NEGR1: variants seen among roughly 807,000 people sequenced by gnomAD.
NEGR1 encodes the protein IgLON family member 4.
A neutral mutation model predicts 40.9 loss-of-function variants in NEGR1; 10 were observed. The ratio of observed to expected loss-of-function variants is 0.24; its 90% CI spans 0.15 to 0.42. The LOEUF (loss-of-function observed/expected upper bound fraction) is 0.42, where lower values mean the gene tolerates loss of function less well. Ranked by LOEUF, NEGR1 falls within the 10% of genes least tolerant of loss-of-function variation. NEGR1 has a pLI of 1.00. For synonymous variants in NEGR1, 185 were observed against 166.8 expected, an observed-to-expected ratio of 1.11 and a Z score of -0.84; for missense variants, 352 against 438.9, an observed-to-expected ratio of 0.80 and a Z score of 1.77.
intron 4 of NEGR1, among the ~76,000 whole-genome samples, chr1:71,615,068 G>C (rs1650402197): frequency 6.6e-6 from 1 of 152,202 alleles, no homozygotes; most frequent in Non-Finnish European, 1.5e-5. Flanking sequence ...TCAATGTGGA[G>C]AGAAGATTCT....
At chr1:71,904,414 A>G (rs1031198938) in intron 2 of NEGR1, among the ~76,000 whole-genome samples, 4 of 152,076 alleles carry the variant, frequency 2.6e-5, no homozygotes, top group African/African-American at 9.7e-5. Context: ...ATACATCACT[A>G]TCATTCTTAA....
intron 6 of NEGR1, among the ~76,000 whole-genome samples, chr1:71,556,289 C>T (rs928383657): frequency 6.6e-6 from 1 of 151,462 alleles, no homozygotes; most frequent in Non-Finnish European, 1.5e-5. Flanking sequence ...AACTTTTCTG[C>T]CTTACATGTC....
intron 1 of NEGR1, among the ~76,000 whole-genome samples, chr1:72,154,589 A>G (rs113272185): frequency 7.2e-5 from 11 of 152,202 alleles, no homozygotes; most frequent in African/African-American, 2.6e-4. Flanking sequence ...AAACATTAAC[A>G]AAGTGTTAGA....
chr1:71,805,449 G>T (rs1026113712), intron 2 of NEGR1, among the ~76,000 whole-genome samples: 2 of 151,902 alleles, frequency 1.3e-5, no homozygotes, highest in African/African-American at 4.8e-5. Context: ...TCTCTCTTTT[G>T]TACTCTTTCC....
intron 6 of NEGR1, among the ~76,000 whole-genome samples, chr1:71,465,620 T>TA (rs1646740654): frequency 6.6e-6 from 1 of 152,070 alleles, no homozygotes; most frequent in Non-Finnish European, 1.5e-5. Context: ...CTTAGTATAA[T>TA]AGACCTTTTT....
At chr1:71,540,029 C>G (rs1232406286) in intron 6 of NEGR1, among the ~76,000 whole-genome samples, 1 of 151,726 alleles carries the variant, frequency 6.6e-6, no homozygotes, top group Non-Finnish European at 1.5e-5. Flanking sequence ...ATGTTTCTAT[C>G]TACTTCAGTA....
At chr1:71,923,783 C>T (rs751040122) in intron 2 of NEGR1, among the ~76,000 whole-genome samples, 79 of 152,194 alleles carry the variant, frequency 5.2e-4, no homozygotes, top group Non-Finnish European at 9.7e-4. Flanking sequence ...TTCTTCAGCA[C>T]ATCAATCTGG....
intron 5 of NEGR1, among the ~76,000 whole-genome samples, chr1:71,603,036 CAACAT>C (rs1467105249): frequency 6.6e-6 from 1 of 152,110 alleles, no homozygotes; most frequent in Non-Finnish European, 1.5e-5. Flanking sequence ...AAATAATAAA[CAACAT>C]AACACGACAT....
At chr1:71,610,120 C>T (rs1650206243) in intron 5 of NEGR1, among the ~76,000 whole-genome samples, 1 of 152,156 alleles carries the variant, frequency 6.6e-6, no homozygotes, top group Admixed American at 6.5e-5. Flanking sequence ...CAGTCTTGGG[C>T]AGTTTTTTAT....
intron 1 of NEGR1, among the ~76,000 whole-genome samples, chr1:71,968,964 G>A (rs1399238772): frequency 6.6e-6 from 1 of 152,082 alleles, no homozygotes; most frequent in Non-Finnish European, 1.5e-5. Flanking sequence ...AATAAGAGCT[G>A]CCATGCTGTG....
At chr1:72,232,956 T>C (rs1010574798) in intron 1 of NEGR1, among the ~76,000 whole-genome samples, 20 of 152,096 alleles carry the variant, frequency 1.3e-4, no homozygotes, top group African/African-American at 4.8e-4. Context: ...TCTTGAAAAA[T>C]AGCCAACTGG....
chr1:71,586,023 A>T (rs1232961797), intron 6 of NEGR1, among the ~76,000 whole-genome samples: 5 of 152,126 alleles, frequency 3.3e-5, no homozygotes, highest in African/African-American at 1.2e-4. Flanking sequence ...AATCTTCACA[A>T]TAATCCTATA....
chr1:71,546,198 C>T (rs1164630802), intron 6 of NEGR1, among the ~76,000 whole-genome samples: 1 of 151,692 alleles, frequency 6.6e-6, no homozygotes, highest in Non-Finnish European at 1.5e-5. Flanking sequence ...AATCTACATA[C>T]ATAAGGAATG....
intron 2 of NEGR1, among the ~76,000 whole-genome samples, chr1:71,843,122 T>C (rs998956820): frequency 1.3e-5 from 2 of 152,168 alleles, no homozygotes; most frequent in Non-Finnish European, 2.9e-5. Flanking sequence ...AATGTCGTTA[T>C]AGTGCCCATT....
chr1:71,841,845 T>C (rs1659253111), intron 2 of NEGR1, among the ~76,000 whole-genome samples: 1 of 152,168 alleles, frequency 6.6e-6, no homozygotes, highest in Non-Finnish European at 1.5e-5. Flanking sequence ...GTGCTTTTTA[T>C]ATTGTCAACT....
intron 6 of NEGR1, 31 bp downstream of exon 6, chr1:71,592,786 G>C (rs1649545936): frequency 6.3e-7 from 1 of 1,584,510 alleles, no homozygotes; most frequent in African/African-American, 1.3e-5. Context: ...AGAGGCCCCT[G>C]GAAGCATTTT....
At chr1:71,645,601 T>G (rs1651503321) in intron 4 of NEGR1, among the ~76,000 whole-genome samples, 1 of 151,836 alleles carries the variant, frequency 6.6e-6, no homozygotes, top group Admixed American at 6.6e-5. Flanking sequence ...CCTTAGGCCT[T>G]TTTATGTTTT....
chr1:72,141,527 C>T (rs1010099852), intron 1 of NEGR1, among the ~76,000 whole-genome samples: 5 of 151,906 alleles, frequency 3.3e-5, no homozygotes, highest in Non-Finnish European at 7.4e-5. Flanking sequence ...AAATACTATG[C>T]AATCAAATGG....
In NEGR1 at chr1:72,269,988, G is replaced by A. The variant is rs1359223003; in HGVS notation, c.176+12331C>T. Among the ~76,000 whole-genome samples the A allele has an allele frequency of 2.6e-5, 4 of 151,784 alleles. No homozygotes were observed. In the East Asian group the frequency reaches 5.8e-4, roughly 22 times the overall value. ...AAGGCAGTTGGTGCCGAGTAAATGCGTAATAAATGAATAGCCAATAAATCT... is the reference window on the plus strand; with the variant it reads ...AAGGCAGTTGGTGCCGAGTAAATGCATAATAAATGAATAGCCAATAAATCT... On this transcript the variant is annotated intron_variant, in intron 1 of 6. Transcript: ENST00000357731.
Sources: allele counts gnomAD v4.1 joint callset (sites outside exome capture counted in the v4.1 genomes callset), GRCh38; gene constraint gnomAD v4.1.1; transcripts MANE v1.5; gene names NCBI Gene and HGNC (gene_info 2026-07-23, HGNC 2026-07-21).